JARID2: variants seen among roughly 807,000 people sequenced by gnomAD.
The protein encoded by JARID2 is protein Jumonji.
JARID2 carries 21 observed loss-of-function variants against 125.6 expected under a neutral mutation model. That is an observed-to-expected ratio of 0.17 (90% confidence interval 0.12 to 0.24). The LOEUF (loss-of-function observed/expected upper bound fraction) is 0.24, where lower values mean the gene tolerates loss of function less well. Ranked by LOEUF, JARID2 falls within the 10% of genes least tolerant of loss-of-function variation. The pLI, the probability that JARID2 is intolerant of heterozygous loss-of-function variation, is 1.00. For missense variants in JARID2, 1,303 were observed against 1,639.6 expected (o/e 0.79, Z 3.55); for synonymous variants, 736 against 661.6 (o/e 1.11, Z -1.73).
At chr6:15,512,515 C>T in intron 14 of JARID2, 125 bp downstream of exon 14, 1 of 906,236 alleles carries the variant, frequency 1.1e-6, no homozygotes, top group Admixed American at 2.2e-5. Flanking sequence ...TGGAATATGT[C>T]TTTGAAATTC....
chr6:15,324,925 A>G (rs1369982955), intron 1 of JARID2, among the ~76,000 whole-genome samples: 2 of 151,870 alleles, frequency 1.3e-5, no homozygotes, highest in South Asian at 2.1e-4. Flanking sequence ...CCCTTTGTCA[A>G]AGAATTTCAA....
intron 8 of JARID2, among the ~76,000 whole-genome samples, chr6:15,503,103 A>T (rs921373205): frequency 2.6e-5 from 4 of 152,152 alleles, no homozygotes; most frequent in African/African-American, 9.7e-5. Context: ...TTCATCACGG[A>T]AATATAGTGG....
intron 3 of JARID2, among the ~76,000 whole-genome samples, 171 bp downstream of exon 3, chr6:15,410,536 A>G (rs558984320): frequency 2.6e-5 from 4 of 152,290 alleles, no homozygotes; most frequent in African/African-American, 9.6e-5. Context: ...AGTATTGTCT[A>G]ATAATTATAA....
At chr6:15,395,837 T>G (rs531561773) in intron 2 of JARID2, among the ~76,000 whole-genome samples, 1 of 151,758 alleles carries the variant, frequency 6.6e-6, no homozygotes, top group African/African-American at 2.4e-5. Flanking sequence ...GCTAATTTGT[T>G]GTACTTTAGT....
At chr6:15,274,732 C>A (rs1760432386) in intron 1 of JARID2, among the ~76,000 whole-genome samples, 1 of 152,130 alleles carries the variant, frequency 6.6e-6, no homozygotes, top group Non-Finnish European at 1.5e-5. Flanking sequence ...TGATCCTGGG[C>A]ACCTTCAGTC....
intron 3 of JARID2, among the ~76,000 whole-genome samples, chr6:15,442,523 T>C (rs906279579): frequency 5.3e-5 from 8 of 152,226 alleles, no homozygotes; most frequent in African/African-American, 1.9e-4. Flanking sequence ...TGCTTGAGAC[T>C]GTCCTGAGAC....
intron 2 of JARID2, among the ~76,000 whole-genome samples, chr6:15,403,713 G>A (rs534603069): frequency 6.6e-6 from 1 of 152,276 alleles, no homozygotes; most frequent in South Asian, 2.1e-4. Context: ...CAAAAGAGGT[G>A]TAGATTGTTG....
At chr6:15,288,404 A>T (rs1040588339) in intron 1 of JARID2, among the ~76,000 whole-genome samples, 3 of 152,180 alleles carry the variant, frequency 2.0e-5, no homozygotes, top group African/African-American at 7.2e-5. Flanking sequence ...GCCATGAGGG[A>T]TCCACCCCTA....
At chr6:15,434,974 T>C (rs978984474) in intron 3 of JARID2, among the ~76,000 whole-genome samples, 14 of 152,226 alleles carry the variant, frequency 9.2e-5, no homozygotes, top group African/African-American at 3.1e-4. Flanking sequence ...AAGCTCTGTT[T>C]GGTTCTTTTC....
At chr6:15,458,063 A>G (rs1768268799) in intron 4 of JARID2, among the ~76,000 whole-genome samples, 1 of 152,180 alleles carries the variant, frequency 6.6e-6, no homozygotes, top group Non-Finnish European at 1.5e-5. Context: ...CAGAGGCATA[A>G]TTAGTATCTT....
chr6:15,427,147 G>C (rs1262484348), intron 3 of JARID2, among the ~76,000 whole-genome samples: 3 of 152,134 alleles, frequency 2.0e-5, no homozygotes, highest in Non-Finnish European at 2.9e-5. Context: ...CTCTAGAGAG[G>C]TCTTATTAGA....
At chr6:15,255,628 G>GTA (rs1053233022) in intron 1 of JARID2, among the ~76,000 whole-genome samples, 60 of 152,250 alleles carry the variant, frequency 3.9e-4, no homozygotes, top group African/African-American at 1.4e-3. Flanking sequence ...AAGTGGTAGT[G>GTA]TATTATCTGT....
rs190036737 is a variant in JARID2, at chr6:15,468,292, A to G, written c.494-250A>G. Among the ~76,000 whole-genome samples the G allele has an allele frequency of 3.9e-3, 589 of 150,138 alleles. 4 individuals are homozygous for G. The highest frequency in any genetic ancestry group is 0.024 in the Middle Eastern group (7 of 286). On this transcript the variant is annotated intron_variant, in intron 4 of 17. Coordinates refer to ENST00000341776, the MANE Select transcript of JARID2 (RefSeq NM_004973.4). ...GGAGGTGTTTGTTTTTTTTCTCAAG[A>G]GATATTCAGATGAGATTTTAAAAAT...
chr6:15,413,008 G>GTTTTTGTTTTTTT (rs1765958811), intron 3 of JARID2, among the ~76,000 whole-genome samples: 7 of 47,498 alleles, frequency 1.5e-4, no homozygotes, highest in South Asian at 6.6e-4. Context: ...TTGTGTTTTT[G>GTTTTTGTTTTTTT]TTTTTTTTTT....
chr6:15,450,358 C>T (rs965269785), intron 3 of JARID2, among the ~76,000 whole-genome samples: 13 of 152,012 alleles, frequency 8.6e-5, no homozygotes, highest in African/African-American at 2.9e-4. Flanking sequence ...TTAGTAGAGA[C>T]GGGGTTTCAC....
Position 15,434,245 on chromosome 6 carries a change from G to A in JARID2, c.324-17761G>A, listed in dbSNP as rs370245804. 1.2e-4 allele frequency among the ~76,000 whole-genome samples: 19 copies of A among 152,072 alleles called. No homozygotes were observed. In the East Asian group the frequency reaches 3.5e-3, roughly 28 times the overall value. On this transcript the variant is annotated intron_variant, in intron 3 of 17. Transcript: ENST00000341776. ...CTGTCCCTTGATGCACAGAATTCAT[G>A]CTTCTGTGATGGACAATTCCATATA...
At chr6:15,479,919 A>G (rs1769529384) in intron 5 of JARID2, among the ~76,000 whole-genome samples, 1 of 152,230 alleles carries the variant, frequency 6.6e-6, no homozygotes, top group Non-Finnish European at 1.5e-5. Context: ...AGGTTGGCAG[A>G]CATTCCATTG....
intron 2 of JARID2, among the ~76,000 whole-genome samples, chr6:15,398,601 GAC>G (rs1489064905): frequency 6.6e-6 from 1 of 152,202 alleles, no homozygotes; most frequent in Non-Finnish European, 1.5e-5. Flanking sequence ...TGGCCTGACA[GAC>G]ACAGGACTGA....
intron 1 of JARID2, among the ~76,000 whole-genome samples, chr6:15,281,177 A>C (rs1207555159): frequency 6.6e-6 from 1 of 152,186 alleles, no homozygotes; most frequent in African/African-American, 2.4e-5. Context: ...TGCAGCTTCC[A>C]GTCAGTGCGC....
Sources: gnomAD v4.1 joint callset for allele counts (sites outside exome capture counted in the v4.1 genomes callset) on GRCh38, gnomAD v4.1.1 for gene constraint, MANE v1.5 for transcripts, NCBI Gene and HGNC (gene_info 2026-07-23, HGNC 2026-07-21) for gene names.